The following EFNA5 variants were observed in gnomAD, a reference collection of about 807,000 sequenced individuals.
EFNA5 encodes ephrin A5.
A neutral mutation model predicts 22.9 loss-of-function variants in EFNA5; 5 were observed. The ratio of observed to expected loss-of-function variants is 0.22; its 90% confidence interval spans 0.11 to 0.46. EFNA5 has a LOEUF of 0.46. Among genes scored for constraint, EFNA5 ranks in the 20% least tolerant of loss-of-function variants. The pLI is 0.99. For synonymous variants in EFNA5, 113 were observed against 112.2 expected, an observed-to-expected ratio of 1.01 and a Z score of -0.04; for missense variants, 237 against 293.3, an observed-to-expected ratio of 0.81 and a Z score of 1.40.
At chr5:107,490,581 C>T (rs982989944) in intron 1 of EFNA5, among the ~76,000 whole-genome samples, 1 of 152,140 alleles carries the variant, frequency 6.6e-6, no homozygotes, top group Non-Finnish European at 1.5e-5. Flanking sequence ...AATCTTCACC[C>T]TCACCTTTCA....
rs190307569 is a variant in EFNA5 at position 107,644,975 on chromosome 5, A to G, written c.125+25514T>C. Reference sequence around the variant, plus strand: ...CTCAGCCTCTCAAAGTGCTGGGATTACAGGCGTGAGCCACCACGCCTGGCC... The same window carrying G: ...CTCAGCCTCTCAAAGTGCTGGGATTGCAGGCGTGAGCCACCACGCCTGGCC... On this transcript the variant is annotated intron_variant, in intron 1 of 4. Transcript: ENST00000333274. 2.8e-3 allele frequency among the ~76,000 whole-genome samples: 432 copies of G among 152,316 alleles called. 2 individuals carry two copies. The highest frequency in any genetic ancestry group is 9.9e-3 in the African/African-American group (412 of 41,566).
At chr5:107,536,966 G>A (rs1434226721) in intron 1 of EFNA5, among the ~76,000 whole-genome samples, 2 of 151,728 alleles carry the variant, frequency 1.3e-5, no homozygotes, top group African/African-American at 4.8e-5. Flanking sequence ...TTAGCTGGGT[G>A]TGGTGGCGGC....
intron 1 of EFNA5, among the ~76,000 whole-genome samples, chr5:107,528,791 G>T (rs1420799890): frequency 6.6e-6 from 1 of 151,910 alleles, no homozygotes; most frequent in Non-Finnish European, 1.5e-5. Context: ...TTTAGGTATG[G>T]GGTTATATTA....
At chr5:107,643,466 G>A (rs193101900) in intron 1 of EFNA5, among the ~76,000 whole-genome samples, 4 of 152,192 alleles carry the variant, frequency 2.6e-5, no homozygotes, top group Admixed American at 2.6e-4. Context: ...TCAGTGATCT[G>A]CCATCTGCAG....
chr5:107,410,757 G>T (rs1748346216), intron 2 of EFNA5, among the ~76,000 whole-genome samples: 1 of 152,088 alleles, frequency 6.6e-6, no homozygotes. Flanking sequence ...AACTGTCTTT[G>T]GATCCTCAAT....
intron 2 of EFNA5, 109 bp downstream of exon 2, chr5:107,427,108 A>G (rs1240019204): frequency 2.6e-6 from 3 of 1,153,064 alleles, no homozygotes; most frequent in Admixed American, 2.0e-5. Flanking sequence ...TTACAAGGAG[A>G]TATCTGTAAT....
At chr5:107,637,715 TTATA>T (rs1180611035) in intron 1 of EFNA5, among the ~76,000 whole-genome samples, 1 of 148,486 alleles carries the variant, frequency 6.7e-6, no homozygotes, top group Non-Finnish European at 1.5e-5. Flanking sequence ...CCCCTACAGA[TTATA>T]TATAATATAT....
chr5:107,462,599 A>G (rs1749863649), intron 1 of EFNA5, among the ~76,000 whole-genome samples: 1 of 152,130 alleles, frequency 6.6e-6, no homozygotes, highest in Non-Finnish European at 1.5e-5. Context: ...CAATGGAAAC[A>G]CTAACCCTAC....
At chr5:107,453,603 G>T (rs1287824824) in intron 1 of EFNA5, among the ~76,000 whole-genome samples, 1 of 152,108 alleles carries the variant, frequency 6.6e-6, no homozygotes, top group African/African-American at 2.4e-5. Flanking sequence ...AGTTGACTAG[G>T]TGATTTTTAA....
chr5:107,657,339 A>G (rs975161298), intron 1 of EFNA5, among the ~76,000 whole-genome samples: 3 of 152,124 alleles, frequency 2.0e-5, no homozygotes, highest in African/African-American at 7.2e-5. Context: ...ACTTAAGTTC[A>G]CACAGAGTCA....
At chr5:107,545,884 T>C (rs1280353840) in intron 1 of EFNA5, among the ~76,000 whole-genome samples, 3 of 152,194 alleles carry the variant, frequency 2.0e-5, no homozygotes, top group African/African-American at 7.2e-5. Flanking sequence ...CTGTTGGAAG[T>C]GATTTCTATG....
At chr5:107,474,711 C>T (rs25740) in intron 1 of EFNA5, among the ~76,000 whole-genome samples, 23,227 of 152,044 alleles carry the variant, frequency 0.15, 3,028 homozygotes, top group East Asian at 0.31. Flanking sequence ...TATTGGCTAA[C>T]ACAGGAAACA....
At chr5:107,462,371 T>C (rs747628351) in intron 1 of EFNA5, among the ~76,000 whole-genome samples, 1 of 152,202 alleles carries the variant, frequency 6.6e-6, no homozygotes, top group African/African-American at 2.4e-5. Context: ...TTTTATTTGA[T>C]GTCAACAACA....
At chr5:107,425,187 C>T (rs1748778387) in intron 2 of EFNA5, among the ~76,000 whole-genome samples, 1 of 152,132 alleles carries the variant, frequency 6.6e-6, no homozygotes, top group African/African-American at 2.4e-5. Flanking sequence ...GAGGAAAAAC[C>T]AGTCATAAGC....
intron 2 of EFNA5, among the ~76,000 whole-genome samples, chr5:107,410,783 C>A (rs952709160): frequency 1.3e-5 from 2 of 152,210 alleles, no homozygotes; most frequent in Non-Finnish European, 2.9e-5. Flanking sequence ...CTAACTCCCT[C>A]TCTTACATTT....
At chr5:107,400,086 ACAGT>A (rs1456641626) in intron 2 of EFNA5, among the ~76,000 whole-genome samples, 2 of 152,170 alleles carry the variant, frequency 1.3e-5, no homozygotes, top group African/African-American at 4.8e-5. Context: ...ATAAGTTTTT[ACAGT>A]CAGACAACTA....
intron 1 of EFNA5, among the ~76,000 whole-genome samples, chr5:107,613,634 A>G (rs1749863714): frequency 6.6e-6 from 1 of 152,146 alleles, no homozygotes; most frequent in Non-Finnish European, 1.5e-5. Context: ...AAGTATTTCA[A>G]GAGTTACATT....
intron 1 of EFNA5, among the ~76,000 whole-genome samples, chr5:107,444,932 T>C (rs2112439803): frequency 6.6e-6 from 1 of 152,316 alleles, no homozygotes; most frequent in Admixed American, 6.5e-5. Context: ...CAAAATCTGA[T>C]TTTAGTTCCA....
intron 1 of EFNA5, among the ~76,000 whole-genome samples, chr5:107,545,078 A>T (rs1224978940): frequency 6.6e-6 from 1 of 152,242 alleles, no homozygotes; most frequent in South Asian, 2.1e-4. Flanking sequence ...AAAGCACATG[A>T]TGTCTACCGT....
Sources: allele counts gnomAD v4.1 joint callset (sites outside exome capture counted in the v4.1 genomes callset), GRCh38; gene constraint gnomAD v4.1.1; transcripts MANE v1.5; gene names NCBI Gene and HGNC (gene_info 2026-07-23, HGNC 2026-07-21).